UQCC1: variants seen among roughly 807,000 people sequenced by gnomAD.
UQCC1 encodes the protein ubiquinol-cytochrome c reductase complex assembly factor 1.
In UQCC1, 38 loss-of-function variants were observed where a neutral mutation model predicts 48.0. That is an observed-to-expected ratio of 0.79 (90% CI 0.61 to 1.04). The LOEUF (loss-of-function observed/expected upper bound fraction) is 1.04. Ranked by LOEUF, UQCC1 falls within the 50% of genes least tolerant of loss-of-function variation. The pLI, the probability that UQCC1 is intolerant of heterozygous loss-of-function variation, is 0.00. For missense variants in UQCC1, 368 were observed against 381.8 expected (o/e 0.96, Z 0.30); for synonymous variants, 111 against 129.2 (o/e 0.86, Z 0.95).
chr20:35,304,031 A>G lies in UQCC1; in HGVS notation c.804T>C (p.Leu268=), dbSNP rs1460155831. 25 of 1,614,142 alleles carry G rather than the reference A, an allele frequency of 1.5e-5. No homozygotes were observed. Among genetic ancestry groups the G allele is most frequent in the Non-Finnish European group, 2.0e-5 (24 of 1,179,998 alleles). ...YLDSMNGEDL[L]LTGEVSWRPL... Reference sequence around the variant, plus strand: ...GGCGCCAGCTCACCTCCCCTGTCAGAAGCAGATCCTCCCCGTTCATGGAGT... The same window carrying G: ...GGCGCCAGCTCACCTCCCCTGTCAGGAGCAGATCCTCCCCGTTCATGGAGT... Residue 268 remains leucine (L), a synonymous_variant, in exon 10 of 10, where the codon CTT becomes CTC. Transcript: ENST00000374385.
intron 5 of UQCC1, among the ~76,000 whole-genome samples, chr20:35,366,821 C>T (rs1036368676): frequency 6.6e-6 from 1 of 151,958 alleles, no homozygotes; most frequent in Non-Finnish European, 1.5e-5. Context: ...AGGATGGATG[C>T]GGTGGCTCAT....
intron 1 of UQCC1, among the ~76,000 whole-genome samples, chr20:35,400,559 G>A (rs1184427103): frequency 5.2e-4 from 79 of 151,330 alleles, no homozygotes; most frequent in Admixed American, 5.2e-3. Flanking sequence ...GCAGTGGTGG[G>A]ATCTCAGCTC....
chr20:35,348,874 C>T (rs1245707487), intron 6 of UQCC1, among the ~76,000 whole-genome samples: 1 of 152,170 alleles, frequency 6.6e-6, no homozygotes. Context: ...AAGCAGATCT[C>T]AAACTCCTGG....
chr20:35,381,257 T>C (rs557765001), intron 4 of UQCC1, among the ~76,000 whole-genome samples: 29 of 152,252 alleles, frequency 1.9e-4, no homozygotes, highest in Middle Eastern at 3.4e-3. Context: ...AAAAGATGAT[T>C]AGTAAAATTT....
At chr20:35,340,042 T>C (rs2061360473) in intron 7 of UQCC1, among the ~76,000 whole-genome samples, 2 of 152,122 alleles carry the variant, frequency 1.3e-5, no homozygotes, top group Non-Finnish European at 2.9e-5. Flanking sequence ...CCCACTCTAA[T>C]AGGAGGGATC....
intron 1 of UQCC1, among the ~76,000 whole-genome samples, chr20:35,405,307 T>A (rs2062235371): frequency 6.6e-6 from 1 of 152,092 alleles, no homozygotes; most frequent in Admixed American, 6.5e-5. Flanking sequence ...CAACAAAGAA[T>A]ACAGACTACA....
chr20:35,393,734 A>G (rs1450539124), intron 2 of UQCC1, among the ~76,000 whole-genome samples: 3 of 152,166 alleles, frequency 2.0e-5, no homozygotes, highest in Non-Finnish European at 2.9e-5. Context: ...TGGATTTTAT[A>G]TTCATATAAA....
At chr20:35,408,728 G>T (rs1340107186) in intron 1 of UQCC1, among the ~76,000 whole-genome samples, 1 of 151,696 alleles carries the variant, frequency 6.6e-6, no homozygotes, top group Non-Finnish European at 1.5e-5. Context: ...GGTGGCACAT[G>T]CCTGTGGTCC....
intron 2 of UQCC1, among the ~76,000 whole-genome samples, chr20:35,388,061 A>G (rs1295776743): frequency 1.3e-5 from 2 of 151,118 alleles, no homozygotes; most frequent in Non-Finnish European, 1.5e-5. Flanking sequence ...GCTCACTACA[A>G]CCTCCACCTC....
intron 2 of UQCC1, among the ~76,000 whole-genome samples, chr20:35,389,228 G>A (rs963183738): frequency 2.6e-5 from 4 of 152,126 alleles, no homozygotes; most frequent in East Asian, 1.9e-4. Context: ...GTAGAAAGGC[G>A]TTCCCAATAG....
chr20:35,347,430 A>G (rs2061443950), intron 6 of UQCC1, among the ~76,000 whole-genome samples, 158 bp from the exon 7 acceptor site: 1 of 152,144 alleles, frequency 6.6e-6, no homozygotes, highest in Non-Finnish European at 1.5e-5. Context: ...GAGATATAAC[A>G]AAGATACTAT....
chr20:35,321,351 C>T (rs1329696693), intron 7 of UQCC1, among the ~76,000 whole-genome samples: 1 of 151,430 alleles, frequency 6.6e-6, no homozygotes, highest in Non-Finnish European at 1.5e-5. Context: ...TTGTTAATAC[C>T]AAGAATAAAA....
At chr20:35,378,007 A>G (rs1201867562) in intron 4 of UQCC1, among the ~76,000 whole-genome samples, 2 of 152,228 alleles carry the variant, frequency 1.3e-5, no homozygotes, top group African/African-American at 4.8e-5. Context: ...TCTAAAGACT[A>G]TCACACAGAG....
At chr20:35,342,764 C>A (rs920870562) in intron 7 of UQCC1, among the ~76,000 whole-genome samples, 2 of 152,136 alleles carry the variant, frequency 1.3e-5, no homozygotes, top group African/African-American at 4.8e-5. Flanking sequence ...ACTTTATTTC[C>A]ACAGCTAATT....
At chr20:35,406,867 A>C (rs139429676) in intron 1 of UQCC1, among the ~76,000 whole-genome samples, 8 of 152,364 alleles carry the variant, frequency 5.3e-5, no homozygotes, top group African/African-American at 1.9e-4. Context: ...ATATAGAAAG[A>C]AAGTCTTTAC....
chr20:35,343,540 C>T (rs948662591), intron 7 of UQCC1, among the ~76,000 whole-genome samples: 2 of 152,178 alleles, frequency 1.3e-5, no homozygotes, highest in Admixed American at 6.5e-5. Context: ...CTATATAAGG[C>T]ATGTCTATTT....
At chr20:35,311,331 T>C (rs762054537) in intron 8 of UQCC1, among the ~76,000 whole-genome samples, 1 of 152,146 alleles carries the variant, frequency 6.6e-6, no homozygotes, top group Non-Finnish European at 1.5e-5. Context: ...GGGGGAACAA[T>C]CCAAGCAAGA....
chr20:35,410,646 G>A (rs1193323081), intron 1 of UQCC1, among the ~76,000 whole-genome samples: 1 of 129,666 alleles, frequency 7.7e-6, no homozygotes, highest in African/African-American at 2.9e-5. Context: ...AGAAGTTGCA[G>A]TGAGCCCGAG....
At chr20:35,325,630 A>G (rs547541535) in intron 7 of UQCC1, among the ~76,000 whole-genome samples, 569 of 152,344 alleles carry the variant, frequency 3.7e-3, no homozygotes, top group Non-Finnish European at 5.2e-3. Flanking sequence ...AATAAAACAC[A>G]GTACTTGTCC....
Sources: allele counts gnomAD v4.1 joint callset (sites outside exome capture counted in the v4.1 genomes callset), GRCh38; gene constraint gnomAD v4.1.1; transcripts MANE v1.5; gene names NCBI Gene and HGNC (gene_info 2026-07-23, HGNC 2026-07-21).